NELL2: variants seen among roughly 807,000 people sequenced by gnomAD.
NELL2 encodes protein kinase C-binding protein NELL2.
NELL2 carries 41 observed loss-of-function variants against 109.6 expected under a neutral mutation model. The observed-to-expected ratio is 0.37, with a 90% confidence interval of 0.29 to 0.49. The LOEUF is 0.49. NELL2 is among the 20% of genes least tolerant of loss of function. NELL2 has a pLI of 0.98. For missense variants in NELL2, 900 were observed against 1,008.3 expected (o/e 0.89, Z 1.45); for synonymous variants, 355 against 344.7 (o/e 1.03, Z -0.33).
intron 15 of NELL2, among the ~76,000 whole-genome samples, chr12:44,545,976 G>C (rs750002963): frequency 6.6e-6 from 1 of 152,094 alleles, no homozygotes; most frequent in Admixed American, 6.6e-5. Context: ...AAGAATAAGA[G>C]AGTTATGGTG....
intron 13 of NELL2, 99 bp from the exon 14 acceptor site, chr12:44,611,069 C>A (rs1188602355): frequency 8.8e-7 from 1 of 1,137,550 alleles, no homozygotes; most frequent in Non-Finnish European, 1.3e-6. Context: ...TAAATTCTTT[C>A]AACCACAGAC....
At chr12:44,728,240 A>T (rs998758968) in intron 9 of NELL2, among the ~76,000 whole-genome samples, 2 of 152,120 alleles carry the variant, frequency 1.3e-5, no homozygotes, top group Admixed American at 6.5e-5. Context: ...ATCAATAGAC[A>T]GTAATTTTTT....
At chr12:44,723,133 G>T (rs1213418078) in intron 9 of NELL2, among the ~76,000 whole-genome samples, 1 of 151,598 alleles carries the variant, frequency 6.6e-6, no homozygotes. Context: ...AGCTTGCAGT[G>T]AGCCGAGATC....
intron 3 of NELL2, among the ~76,000 whole-genome samples, chr12:44,813,127 C>A (rs1296196740): frequency 6.6e-6 from 1 of 152,056 alleles, no homozygotes; most frequent in African/African-American, 2.4e-5. Flanking sequence ...TTGTACAAGG[C>A]CCCAAAAGCA....
intron 2 of NELL2, among the ~76,000 whole-genome samples, chr12:44,853,303 G>A (rs1334896568): frequency 6.6e-6 from 1 of 152,114 alleles, no homozygotes; most frequent in Non-Finnish European, 1.5e-5. Context: ...TCCAATTTCT[G>A]ACCTTTGGAT....
intron 3 of NELL2, among the ~76,000 whole-genome samples, chr12:44,810,512 A>G (rs945562524): frequency 6.6e-6 from 1 of 152,136 alleles, no homozygotes; most frequent in Non-Finnish European, 1.5e-5. Flanking sequence ...TTTAAAAAGT[A>G]TGCAAAAATA....
At chr12:44,875,454 A>G in intron 1 of NELL2, 101 bp from the exon 2 acceptor site, 1 of 1,613,906 alleles carries the variant, frequency 6.2e-7, no homozygotes, top group Non-Finnish European at 8.5e-7. Flanking sequence ...TCGCGACAAT[A>G]TTGGGAACTG....
intron 13 of NELL2, among the ~76,000 whole-genome samples, chr12:44,636,826 T>C (rs1189588354): frequency 6.6e-6 from 1 of 152,024 alleles, no homozygotes; most frequent in Non-Finnish European, 1.5e-5. Context: ...GTCCCTCTTT[T>C]TCTATTGTTT....
chr12:44,749,891 C>T (rs1940568874), intron 9 of NELL2, among the ~76,000 whole-genome samples: 1 of 151,276 alleles, frequency 6.6e-6, no homozygotes, highest in African/African-American at 2.4e-5. Flanking sequence ...ATACAAGGAA[C>T]AGAAATGTTG....
chr12:44,761,472 T>C (rs2136550165), intron 9 of NELL2, among the ~76,000 whole-genome samples: 1 of 152,332 alleles, frequency 6.6e-6, no homozygotes, highest in South Asian at 2.1e-4. Flanking sequence ...AATATGGAGA[T>C]TTCTCAAAGA....
chr12:44,537,591 A>G (rs114578737), intron 15 of NELL2, among the ~76,000 whole-genome samples: 2,740 of 152,268 alleles, frequency 0.018, 91 homozygotes, highest in African/African-American at 0.062. Flanking sequence ...TATCATCATT[A>G]CATGCACTGT....
chr12:44,639,225 T>C (rs1278958627), intron 13 of NELL2, among the ~76,000 whole-genome samples: 1 of 152,164 alleles, frequency 6.6e-6, no homozygotes, highest in Admixed American at 6.6e-5. Flanking sequence ...GTATTAGGTA[T>C]GCCTAGAGGA....
chr12:44,702,246 T>C (rs181062374), intron 12 of NELL2, among the ~76,000 whole-genome samples: 14 of 152,270 alleles, frequency 9.2e-5, no homozygotes, highest in Admixed American at 9.2e-4. Context: ...TCTAGTTCTA[T>C]AGTCACCCAC....
chr12:44,691,783 G>C (rs535443184), intron 12 of NELL2, among the ~76,000 whole-genome samples: 5 of 152,140 alleles, frequency 3.3e-5, no homozygotes, highest in Non-Finnish European at 7.4e-5. Flanking sequence ...ACATTCCCTT[G>C]AGCCAAAGCC....
At chr12:44,555,644 T>C (rs1315007723) in intron 15 of NELL2, among the ~76,000 whole-genome samples, 1 of 152,064 alleles carries the variant, frequency 6.6e-6, no homozygotes, top group East Asian at 1.9e-4. Context: ...TCAGGCCCAC[T>C]GTATTAAAAG....
chr12:44,826,851 A>T (rs1352162185), intron 2 of NELL2, among the ~76,000 whole-genome samples: 2 of 152,238 alleles, frequency 1.3e-5, no homozygotes, highest in African/African-American at 4.8e-5. Flanking sequence ...CACTACAGTG[A>T]TGCACACTCC....
At chr12:44,776,531 C>A (rs1352952837) in intron 7 of NELL2, among the ~76,000 whole-genome samples, 1 of 152,080 alleles carries the variant, frequency 6.6e-6, no homozygotes, top group African/African-American at 2.4e-5. Flanking sequence ...AGAAACAAAT[C>A]ATACACCATA....
intron 1 of NELL2, among the ~76,000 whole-genome samples, chr12:44,893,615 C>A (rs2710466): frequency 0.3 from 44,886 of 151,864 alleles, 6,991 homozygotes; most frequent in East Asian, 0.44. Context: ...GAGTAACTGC[C>A]GAGCAGGCAC....
intron 15 of NELL2, among the ~76,000 whole-genome samples, chr12:44,590,309 TCC>T (rs1944698353): frequency 6.6e-6 from 1 of 152,136 alleles, no homozygotes; most frequent in Non-Finnish European, 1.5e-5. Context: ...AACAGCTGCT[TCC>T]CAGTTGTTAA....
Sources: gnomAD v4.1 joint callset for allele counts (sites outside exome capture counted in the v4.1 genomes callset) on GRCh38, gnomAD v4.1.1 for gene constraint, MANE v1.5 for transcripts, NCBI Gene and HGNC (gene_info 2026-07-23, HGNC 2026-07-21) for gene names.